The following ZNF407 variants were observed in gnomAD, a reference collection of about 807,000 sequenced individuals.
ZNF407 encodes the protein zinc finger protein 407.
Under a neutral mutation model 131.2 loss-of-function variants are expected in ZNF407, and 17 were observed. The observed-to-expected ratio is 0.13, with a 90% CI of 0.09 to 0.19. The LOEUF (loss-of-function observed/expected upper bound fraction) is 0.19. Among genes scored for constraint, ZNF407 ranks in the 10% least tolerant of loss-of-function variants. ZNF407 has a pLI of 1.00. For synonymous variants in ZNF407, 1,156 were observed against 1,062.0 expected (o/e 1.09, Z -1.72); for missense variants, 2,681 against 2,830.6 (o/e 0.95, Z 1.20).
At chr18:74,800,827 T>A (rs554369090) in intron 4 of ZNF407, among the ~76,000 whole-genome samples, 1 of 152,284 alleles carries the variant, frequency 6.6e-6, no homozygotes, top group South Asian at 2.1e-4. Context: ...TAACTTGACT[T>A]CATTTGTCAG....
chr18:74,993,108 A>G (rs1283923298), intron 8 of ZNF407, among the ~76,000 whole-genome samples: 1 of 152,238 alleles, frequency 6.6e-6, no homozygotes, highest in Non-Finnish European at 1.5e-5. Context: ...CTTACTTACC[A>G]TATGACCCAA....
chr18:74,732,539 A>G (rs1043609173), intron 3 of ZNF407, among the ~76,000 whole-genome samples: 1 of 152,232 alleles, frequency 6.6e-6, no homozygotes, highest in Non-Finnish European at 1.5e-5. Flanking sequence ...AAGGGCATGG[A>G]TGCTAGTTGT....
At chr18:75,001,518 T>TA in intron 8 of ZNF407, among the ~76,000 whole-genome samples, 1 of 152,142 alleles carries the variant, frequency 6.6e-6, no homozygotes, top group East Asian at 1.9e-4. Flanking sequence ...TGCCAGTTGT[T>TA]AAGGTACTGA....
intron 8 of ZNF407, among the ~76,000 whole-genome samples, chr18:75,058,249 G>C (rs747036388): frequency 6.6e-6 from 1 of 152,120 alleles, no homozygotes; most frequent in East Asian, 1.9e-4. Flanking sequence ...GCAGCGAGCC[G>C]AACTCAAAAT....
chr18:74,798,173 G>T (rs1174155156), intron 4 of ZNF407, among the ~76,000 whole-genome samples: 1 of 148,392 alleles, frequency 6.7e-6, no homozygotes, highest in Non-Finnish European at 1.5e-5. Context: ...AAAAATGAAA[G>T]GTTTTACAGG....
At position 74,631,148 on chromosome 18, in the gene ZNF407, C is replaced by G; in HGVS notation, c.129C>G (p.Phe43Leu). The change falls in exon 2 of 9, where the codon TTC becomes TTG. Residue 43 changes from phenylalanine to leucine, a missense_variant. Transcript: ENST00000299687. ...GGPVSDVIAS[F>L]PENSMGKRGF... is the part of the protein sequence containing the mutation. ...CTGTATCTGATGTGATAGCAAGTTT[C>G]CCTGAGAATTCTATGGGCAAAAGAG... The G allele has an allele frequency of 6.2e-7, 1 of 1,613,908 alleles. No homozygotes were observed. The highest frequency in any genetic ancestry group is 8.5e-7 in the Non-Finnish European group (1 of 1,179,882).
chr18:74,843,984 A>C (rs1970668019), intron 4 of ZNF407, among the ~76,000 whole-genome samples: 1 of 152,186 alleles, frequency 6.6e-6, no homozygotes. Flanking sequence ...AAATGTTTCT[A>C]AGGTGTTAAA....
At position 74,635,769 on chromosome 18, in the gene ZNF407, ATGCAGCCCTACCTGTGG is replaced by A. The variant is rs1984434177; in HGVS notation, c.4687+64_4687+80del. The A allele has an allele frequency of 6.6e-7, 1 of 1,519,298 alleles. No individual in the cohort carries two copies. The highest frequency in any genetic ancestry group is 8.8e-7 in the Non-Finnish European group (1 of 1,136,040). The allele number at this position is 1,519,298 out of a possible 1,614,324, so 94.1% of individuals were successfully genotyped here. ...TGGGGCCATTTGTTCCCATCCAGATATGCAGCCCTACCTGTGGCTGCTCATTGGCTTTCCACCCGGTT... is the reference window on the plus strand; with the variant it reads ...TGGGGCCATTTGTTCCCATCCAGATACTGCTCATTGGCTTTCCACCCGGTT... On this transcript the variant is annotated intron_variant, in intron 2 of 8. Coordinates refer to ENST00000299687, the MANE Select transcript of ZNF407 (RefSeq NM_017757.3). The surrounding 1 kb of genome is among the most constrained non-coding windows in gnomAD (Gnocchi z 4.7).
intron 8 of ZNF407, among the ~76,000 whole-genome samples, chr18:75,034,705 T>C (rs893798338): frequency 1.3e-5 from 2 of 152,140 alleles, no homozygotes; most frequent in Non-Finnish European, 2.9e-5. Context: ...TTCTAAATAT[T>C]TTCAGATTTA....
At chr18:74,946,166 C>G (rs1428681452) in intron 8 of ZNF407, among the ~76,000 whole-genome samples, 1 of 152,122 alleles carries the variant, frequency 6.6e-6, no homozygotes, top group Non-Finnish European at 1.5e-5. Flanking sequence ...CAAGAAAAAC[C>G]TTTTATATAA....
At chr18:74,683,771 C>T (rs1476647502) in intron 3 of ZNF407, among the ~76,000 whole-genome samples, 1 of 152,262 alleles carries the variant, frequency 6.6e-6, no homozygotes, top group East Asian at 1.9e-4. Flanking sequence ...CTATTTTGAG[C>T]TAAACCAGAC....
chr18:74,674,100 G>A (rs1402986656), intron 3 of ZNF407, among the ~76,000 whole-genome samples: 1 of 152,176 alleles, frequency 6.6e-6, no homozygotes, highest in Non-Finnish European at 1.5e-5. Context: ...TTAATATGGA[G>A]ATTTAACTAG....
intron 3 of ZNF407, among the ~76,000 whole-genome samples, chr18:74,747,179 A>G (rs1968688857): frequency 6.6e-6 from 1 of 151,936 alleles, no homozygotes; most frequent in Admixed American, 6.6e-5. Context: ...TTATGTAACT[A>G]TTTCCTCACT....
At chr18:74,754,846 C>T (rs1263836469) in intron 3 of ZNF407, among the ~76,000 whole-genome samples, 1 of 152,186 alleles carries the variant, frequency 6.6e-6, no homozygotes, top group Non-Finnish European at 1.5e-5. Context: ...GTGGAGAGTT[C>T]TGTAGATGTC....
intron 1 of ZNF407, among the ~76,000 whole-genome samples, chr18:74,625,046 A>G (rs1983726557): frequency 6.6e-6 from 1 of 152,242 alleles, no homozygotes; most frequent in South Asian, 2.1e-4. Context: ...ACCCCAATGC[A>G]TGAGTACATT....
At chr18:74,609,522 A>G (rs2144616365) in intron 1 of ZNF407, among the ~76,000 whole-genome samples, 1 of 152,356 alleles carries the variant, frequency 6.6e-6, no homozygotes, top group Non-Finnish European at 1.5e-5. Context: ...AAGATAAAAA[A>G]AAGGTATACT....
intron 8 of ZNF407, among the ~76,000 whole-genome samples, chr18:74,938,475 G>T (rs1380588109): frequency 1.3e-5 from 2 of 151,970 alleles, no homozygotes; most frequent in African/African-American, 4.8e-5. Context: ...GACACATAGT[G>T]TACCCTTTTA....
Position 75,001,080 on chromosome 18 carries a change from G to T in ZNF407, c.5429-62070G>T, listed in dbSNP as rs74616054. Among the ~76,000 whole-genome samples, 10 of 152,246 alleles carry T rather than the reference G, an allele frequency of 6.6e-5. No homozygotes were observed. The East Asian group carries it at 1.9e-3, about 29-fold the overall frequency. On this transcript the variant is annotated intron_variant, in intron 8 of 8. Coordinates refer to ENST00000299687, the MANE Select transcript of ZNF407 (RefSeq NM_017757.3). ...TCAGACTCATCAGTGCCTATCACATGATGTCCCACCAGAAGCTGAGCTTTC... is the reference window on the plus strand; with the variant it reads ...TCAGACTCATCAGTGCCTATCACATTATGTCCCACCAGAAGCTGAGCTTTC...
intron 3 of ZNF407, among the ~76,000 whole-genome samples, chr18:74,767,101 A>G (rs1969250917): frequency 6.6e-6 from 1 of 152,052 alleles, no homozygotes; most frequent in East Asian, 1.9e-4. Context: ...TAGTAGAGAC[A>G]GGGTTTTGCC....
Sources: allele counts gnomAD v4.1 joint callset (sites outside exome capture counted in the v4.1 genomes callset), GRCh38; gene constraint gnomAD v4.1.1; non-coding constraint Gnocchi (gnomAD v3.1); transcripts MANE v1.5; gene names NCBI Gene and HGNC (gene_info 2026-07-23, HGNC 2026-07-21).